TTC6: variants seen among roughly 807,000 people sequenced by gnomAD.
TTC6 encodes tetratricopeptide repeat protein 6.
TTC6 carries 172 observed loss-of-function variants against 210.4 expected under a neutral mutation model. The ratio of observed to expected loss-of-function variants is 0.82; its 90% CI spans 0.72 to 0.93. TTC6 has a LOEUF of 0.93. TTC6 is among the 40% of genes least tolerant of loss of function. TTC6 has a pLI of 0.00. For missense variants in TTC6, 2,414 were observed against 2,318.1 expected (o/e 1.04, Z -0.85); for synonymous variants, 804 against 819.6 (o/e 0.98, Z 0.32).
intron 4 of TTC6, among the ~76,000 whole-genome samples, chr14:37,699,466 A>G (rs764392709): frequency 1.3e-5 from 2 of 152,220 alleles, no homozygotes; most frequent in Non-Finnish European, 2.9e-5. Flanking sequence ...ACTATGCTAG[A>G]AGTAAGTCCA....
exon 31 of TTC6, chr14:37,842,209 G>T (rs151288389): frequency 1.2e-6 from 2 of 1,608,748 alleles, no homozygotes; most frequent in Middle Eastern, 1.7e-4. Context: ...GCAAAAGTTC[G>T]TGGTAAAATA....
chr14:37,795,052 T>A (rs959413137), intron 17 of TTC6, among the ~76,000 whole-genome samples: 1 of 152,184 alleles, frequency 6.6e-6, no homozygotes, highest in African/African-American at 2.4e-5. Flanking sequence ...TAATTATTAT[T>A]TAAAATTAAA....
chr14:37,725,348 A>ATATGTATATATATATATATATATATG (rs754853973), intron 7 of TTC6, among the ~76,000 whole-genome samples: 1 of 113,296 alleles, frequency 8.8e-6, no homozygotes, highest in Non-Finnish European at 1.8e-5. Context: ...ATATATATAT[A>ATATGTATATATATATATATATATATG]TATATATATA....
chr14:37,603,065 G>T (rs1421898821), intron 1 of TTC6, among the ~76,000 whole-genome samples: 1 of 152,164 alleles, frequency 6.6e-6, no homozygotes, highest in Non-Finnish European at 1.5e-5. Context: ...ATTCCTGCAG[G>T]TGCTGGATGG....
intron 1 of TTC6, among the ~76,000 whole-genome samples, chr14:37,634,333 A>T (rs1369039768): frequency 6.6e-6 from 1 of 152,222 alleles, no homozygotes; most frequent in Non-Finnish European, 1.5e-5. Context: ...AAATATAATA[A>T]CTGAAATAAA....
intron 1 of TTC6, among the ~76,000 whole-genome samples, chr14:37,662,813 C>T (rs2095740061): frequency 6.6e-6 from 1 of 151,994 alleles, no homozygotes. Context: ...TACTGTAGCC[C>T]TGTAGTATAG....
chr14:37,599,961 C>A (rs968197418), intron 1 of TTC6, among the ~76,000 whole-genome samples: 3 of 152,180 alleles, frequency 2.0e-5, no homozygotes, highest in African/African-American at 7.2e-5. Flanking sequence ...CAGCCCCAGC[C>A]GGTCCCTCCT....
At chr14:37,826,494 A>T in intron 28 of TTC6, 147 bp downstream of exon 30, 3 of 751,448 alleles carry the variant, frequency 4.0e-6, no homozygotes, top group Non-Finnish European at 5.8e-6. Context: ...AGTGATCCCT[A>T]GGGTAAAGAG....
chr14:37,725,800 G>C lies in TTC6; in HGVS notation c.1818+798G>C, dbSNP rs1318636925. 2.0e-5 allele frequency among the ~76,000 whole-genome samples: 3 copies of C among 152,152 alleles called. No homozygotes were observed. The East Asian group carries it at 5.8e-4, about 29-fold the overall frequency. Reference sequence around the variant, plus strand: ...TATAAAGCTACTTCAGTTGTTTAGAGATCTTCATGGTATTTTCATTTGTTT... The same window carrying C: ...TATAAAGCTACTTCAGTTGTTTAGACATCTTCATGGTATTTTCATTTGTTT... On this transcript the variant is annotated intron_variant, in intron 7 of 30. Transcript: ENST00000553443.
intron 5 of TTC6, among the ~76,000 whole-genome samples, chr14:37,709,896 T>A (rs887439589): frequency 6.6e-6 from 1 of 152,130 alleles, no homozygotes; most frequent in Non-Finnish European, 1.5e-5. Flanking sequence ...AACCTAAAGC[T>A]TTTTCCAGAC....
chr14:37,757,921 C>G (rs560960742), intron 14 of TTC6, among the ~76,000 whole-genome samples: 1 of 152,258 alleles, frequency 6.6e-6, no homozygotes, highest in South Asian at 2.1e-4. Context: ...TTATTTCTGT[C>G]TTAATTTCAT....
intron 1 of TTC6, among the ~76,000 whole-genome samples, chr14:37,677,411 GAATT>G (rs2095772425): frequency 6.6e-6 from 1 of 151,938 alleles, no homozygotes; most frequent in Non-Finnish European, 1.5e-5. Context: ...CAACTTTAGT[GAATT>G]AGTTTATTAG....
intron 29 of TTC6, chr14:37,837,217 A>G (rs1349186722): frequency 4.1e-6 from 1 of 242,390 alleles, no homozygotes; most frequent in African/African-American, 2.3e-5. Context: ...ACCTGAGAAA[A>G]AGAATTTGCT....
chr14:37,644,174 T>C (rs1325711287), intron 1 of TTC6, among the ~76,000 whole-genome samples: 1 of 152,172 alleles, frequency 6.6e-6, no homozygotes, highest in Non-Finnish European at 1.5e-5. Flanking sequence ...TCAGAGTAGC[T>C]AATGGGTCCA....
At chr14:37,747,747 A>G (rs2095940385) in intron 10 of TTC6, among the ~76,000 whole-genome samples, 1 of 152,158 alleles carries the variant, frequency 6.6e-6, no homozygotes, top group Admixed American at 6.5e-5. Context: ...GGTAGAGATG[A>G]ATATGGAGGT....
At chr14:37,792,446 A>T (rs777325772) in intron 17 of TTC6, 32 bp downstream of exon 19, 131 of 1,433,276 alleles carry the variant, frequency 9.1e-5, no homozygotes, top group South Asian at 3.9e-4. Flanking sequence ...TGATTTTTTT[A>T]AAAAAACTTT....
chr14:37,627,052 G>T (rs1372670376), intron 1 of TTC6, among the ~76,000 whole-genome samples: 1 of 152,004 alleles, frequency 6.6e-6, no homozygotes, highest in Non-Finnish European at 1.5e-5. Flanking sequence ...TGCAACTGTG[G>T]GAGAGTTCTT....
intron 14 of TTC6, among the ~76,000 whole-genome samples, chr14:37,771,555 C>T (rs978156503): frequency 6.6e-6 from 1 of 152,108 alleles, no homozygotes; most frequent in Non-Finnish European, 1.5e-5. Context: ...TCATTCATTT[C>T]TTCTTCCATT....
intron 2 of TTC6, among the ~76,000 whole-genome samples, chr14:37,682,114 G>A (rs2095785199): frequency 6.6e-6 from 1 of 151,470 alleles, no homozygotes; most frequent in Non-Finnish European, 1.5e-5. Context: ...GAGCCACTTT[G>A]ATTTGTAGTG....
Sources: allele counts gnomAD v4.1 joint callset (sites outside exome capture counted in the v4.1 genomes callset), GRCh38; gene constraint gnomAD v4.1.1; transcripts MANE v1.5; gene names NCBI Gene and HGNC (gene_info 2026-07-23, HGNC 2026-07-21).